MARCHF1: variants seen among roughly 807,000 people sequenced by gnomAD.
MARCHF1 encodes E3 ubiquitin-protein ligase MARCHF1.
Under a neutral mutation model 54.2 loss-of-function variants are expected in MARCHF1, and 40 were observed. The observed-to-expected ratio is 0.74, with a 90% confidence interval of 0.57 to 0.96. MARCHF1 has a LOEUF of 0.96. MARCHF1 is among the 40% of genes least tolerant of loss of function. The pLI is 0.00. For missense variants in MARCHF1, 586 were observed against 656.5 expected, an observed-to-expected ratio of 0.89 and a Z score of 1.17; for synonymous variants, 236 against 236.3, an observed-to-expected ratio of 1.00 and a Z score of 0.01.
Position 164,139,144 on chromosome 4 carries a change from G to T in MARCHF1, c.-322-27482C>A, listed in dbSNP as rs1192726356. On this transcript the variant is annotated intron_variant, in intron 1 of 9. Transcript: ENST00000514618. ...ATATTTTGCAAAATTAGGAAACTTA[G>T]CTGGTTAATAACACAGAAAATCTCA... 3.3e-5 allele frequency among the ~76,000 whole-genome samples: 5 copies of T among 152,072 alleles called. No homozygotes were observed. The South Asian group carries it at 1.0e-3, about 31-fold the overall frequency.
chr4:164,066,250 C>T (rs13142035), intron 2 of MARCHF1, among the ~76,000 whole-genome samples: 99,994 of 152,080 alleles, frequency 0.66, 34,660 homozygotes, highest in Non-Finnish European at 0.78. Context: ...TATATGCAGC[C>T]AACGAGCACA....
At chr4:164,035,499 G>A (rs1306026505) in intron 2 of MARCHF1, among the ~76,000 whole-genome samples, 1 of 150,696 alleles carries the variant, frequency 6.6e-6, no homozygotes, top group Non-Finnish European at 1.5e-5. Flanking sequence ...ACTTTTCATT[G>A]TAAAGTATAC....
chr4:164,350,130 C>G (rs1730236710), intron 1 of MARCHF1, among the ~76,000 whole-genome samples: 4 of 151,838 alleles, frequency 2.6e-5, no homozygotes, highest in Admixed American at 2.6e-4. Flanking sequence ...TTTAATAATC[C>G]AAGAAAAGAA....
At chr4:164,268,292 G>T (rs1345014955) in intron 1 of MARCHF1, among the ~76,000 whole-genome samples, 1 of 152,050 alleles carries the variant, frequency 6.6e-6, no homozygotes, top group Non-Finnish European at 1.5e-5. Flanking sequence ...TTAAATCTGG[G>T]TACTGTGTCA....
chr4:164,276,936 A>C (rs1223927202), intron 1 of MARCHF1, among the ~76,000 whole-genome samples: 2 of 117,020 alleles, frequency 1.7e-5, no homozygotes, highest in African/African-American at 5.8e-5. Context: ...CTCATATTCT[A>C]TATATATATA....
chr4:164,018,327 CTG>C (rs1753590091), intron 2 of MARCHF1, among the ~76,000 whole-genome samples: 1 of 151,656 alleles, frequency 6.6e-6, no homozygotes, highest in African/African-American at 2.4e-5. Context: ...TTGAAAGACA[CTG>C]TTAAAGAAAT....
At chr4:164,383,828 C>A (rs901773504) in intron 1 of MARCHF1, 42 bp downstream of exon 1, 1 of 152,538 alleles carries the variant, frequency 6.6e-6, no homozygotes, top group Admixed American at 6.5e-5. Flanking sequence ...GAAGGGGCTC[C>A]CAGTGAGGCT....
chr4:163,904,585 T>C (rs1368656415), intron 3 of MARCHF1, among the ~76,000 whole-genome samples: 2 of 152,202 alleles, frequency 1.3e-5, no homozygotes, highest in Non-Finnish European at 2.9e-5. Flanking sequence ...AAATCCATAC[T>C]TAGAGATTTA....
At chr4:164,259,401 G>A (rs1377188563) in intron 1 of MARCHF1, among the ~76,000 whole-genome samples, 1 of 151,736 alleles carries the variant, frequency 6.6e-6, no homozygotes, top group African/African-American at 2.4e-5. Flanking sequence ...AAATTAGCTG[G>A]GAGGTAGTGG....
At chr4:163,721,633 A>C in intron 4 of MARCHF1, among the ~76,000 whole-genome samples, 1 of 152,168 alleles carries the variant, frequency 6.6e-6, no homozygotes, top group East Asian at 1.9e-4. Flanking sequence ...CCTATGGTAG[A>C]ATTCGGCTGT....
intron 3 of MARCHF1, among the ~76,000 whole-genome samples, chr4:163,915,504 G>T (rs12646128): frequency 0.23 from 34,869 of 151,932 alleles, 4,892 homozygotes; most frequent in East Asian, 0.43. Flanking sequence ...TCCTGGAACA[G>T]AAAAATAACT....
intron 4 of MARCHF1, among the ~76,000 whole-genome samples, chr4:163,808,557 G>A (rs1401870575): frequency 6.6e-6 from 1 of 152,036 alleles, no homozygotes; most frequent in Non-Finnish European, 1.5e-5. Flanking sequence ...ACATGAAAAT[G>A]CATTGTATTT....
chr4:164,073,132 GA>G (rs1344685590), intron 2 of MARCHF1, among the ~76,000 whole-genome samples: 2 of 152,180 alleles, frequency 1.3e-5, no homozygotes, highest in Non-Finnish European at 2.9e-5. Flanking sequence ...GACTTGTACA[GA>G]CATTATAAGT....
At chr4:164,340,657 A>T (rs1278657464) in intron 1 of MARCHF1, among the ~76,000 whole-genome samples, 1 of 151,604 alleles carries the variant, frequency 6.6e-6, no homozygotes, top group Admixed American at 6.6e-5. Flanking sequence ...TCCTGACCTC[A>T]GGCAATCTGC....
chr4:164,034,760 A>G (rs767544704), intron 2 of MARCHF1, among the ~76,000 whole-genome samples: 1 of 152,172 alleles, frequency 6.6e-6, no homozygotes, highest in African/African-American at 2.4e-5. Context: ...ATAGCCCAAT[A>G]TATGTTTTCT....
intron 2 of MARCHF1, among the ~76,000 whole-genome samples, chr4:164,008,501 T>C (rs1367051681): frequency 1.3e-5 from 2 of 152,098 alleles, no homozygotes; most frequent in Non-Finnish European, 2.9e-5. Context: ...GGCATTTACA[T>C]AACATTTCAT....
intron 1 of MARCHF1, among the ~76,000 whole-genome samples, chr4:164,347,490 T>C (rs1730141871): frequency 6.6e-6 from 1 of 152,218 alleles, no homozygotes; most frequent in African/African-American, 2.4e-5. Flanking sequence ...TCAATGTTTA[T>C]TTCCTTTGAC....
intron 2 of MARCHF1, among the ~76,000 whole-genome samples, chr4:164,108,708 A>G (rs1190460876): frequency 6.6e-6 from 1 of 152,050 alleles, no homozygotes; most frequent in African/African-American, 2.4e-5. Context: ...TTATCTCTAC[A>G]AAGTTTCTGG....
intron 3 of MARCHF1, among the ~76,000 whole-genome samples, chr4:163,923,837 T>C (rs11100527): frequency 0.77 from 116,766 of 151,356 alleles, 45,165 homozygotes; most frequent in East Asian, 0.93. Flanking sequence ...CAGACATAAA[T>C]ACTGTCAACA....
Sources: allele counts gnomAD v4.1 joint callset (sites outside exome capture counted in the v4.1 genomes callset), GRCh38; gene constraint gnomAD v4.1.1; transcripts MANE v1.5; gene names NCBI Gene and HGNC (gene_info 2026-07-23, HGNC 2026-07-21).